The following PHF11 variants were observed in gnomAD, a reference collection of about 807,000 sequenced individuals.
The protein encoded by PHF11 is PHD finger protein 11.
Under a neutral mutation model 40.5 loss-of-function variants are expected in PHF11, and 38 were observed. The observed-to-expected ratio is 0.94, with a 90% CI of 0.72 to 1.23. PHF11 has a LOEUF of 1.23. Ranked by LOEUF, PHF11 falls within the 50% of genes most tolerant of loss-of-function variation. The probability of loss-of-function intolerance (pLI) is 0.00; values close to 1 mark genes in which losing one functional copy is unlikely to be tolerated. For synonymous variants in PHF11, 127 were observed against 138.2 expected (o/e 0.92, Z 0.57); for missense variants, 369 against 392.4 (o/e 0.94, Z 0.50).
intron 8 of PHF11, chr13:49,525,823 A>G (rs765489510): frequency 2.2e-6 from 1 of 456,348 alleles, no homozygotes; most frequent in South Asian, 1.5e-5. Context: ...AGGGCTGGTG[A>G]GGACACAGAT....
rs1959200792 is a variant in PHF11, at chr13:49,523,374, C to CT, written c.637+136dup. 4.6e-6 allele frequency: 3 copies of CT among 649,322 alleles called. No homozygotes were observed. In the African/African-American group the frequency reaches 5.5e-5, roughly 12 times the overall value. The allele number at this position is 649,322 out of a possible 1,614,324, so 40.2% of individuals were successfully genotyped here. ...CTTGTGGTAATTAATGAGTATAAATCTTTATCGCAACTGTCCACTCTATTG... is the reference window on the plus strand; with the variant it reads ...CTTGTGGTAATTAATGAGTATAAATCTTTTATCGCAACTGTCCACTCTATTG... On this transcript the variant is annotated intron_variant, in intron 7 of 9. Coordinates refer to ENST00000378319, the MANE Select transcript of PHF11 (RefSeq NM_001040443.3).
chr13:49,517,901 T>C lies in PHF11; in HGVS notation c.325-117T>C, dbSNP rs1959169092. 17 of 614,874 alleles carry C rather than the reference T, an allele frequency of 2.8e-5. 1 individual carries two copies. The South Asian group carries it at 3.9e-4, about 14-fold the overall frequency. 38.1% of individuals were successfully genotyped at this position (614,874 alleles called of 1,614,324 possible). On this transcript the variant is annotated intron_variant, in intron 3 of 9. Coordinates refer to ENST00000378319, the MANE Select transcript of PHF11 (RefSeq NM_001040443.3). ...TTGTAACGGGATGGAATCTTGCTGATGATGCCCAGGATAAAATGCAGGGCT... is the reference window on the plus strand; with the variant it reads ...TTGTAACGGGATGGAATCTTGCTGACGATGCCCAGGATAAAATGCAGGGCT...
chr13:49,520,179 G>T (rs996767810), intron 4 of PHF11, among the ~76,000 whole-genome samples: 1 of 152,156 alleles, frequency 6.6e-6, no homozygotes. Flanking sequence ...CTCCTGAGTA[G>T]CTGGGTCTAC....
chr13:49,528,192 A>C (rs1959395410), intron 9 of PHF11, among the ~76,000 whole-genome samples: 1 of 152,236 alleles, frequency 6.6e-6, no homozygotes, highest in Non-Finnish European at 1.5e-5. Flanking sequence ...GATATAGTAT[A>C]GCATGAAGGT....
chr13:49,508,609 CTATT>C (rs1959042815), intron 2 of PHF11, among the ~76,000 whole-genome samples: 1 of 151,608 alleles, frequency 6.6e-6, no homozygotes, highest in Non-Finnish European at 1.5e-5. Context: ...TATATAAACA[CTATT>C]TATTTTTATT....
chr13:49,501,021 T>TTTTTTTTTTTTTTAAATG (rs1958899303), intron 1 of PHF11, among the ~76,000 whole-genome samples: 1 of 146,162 alleles, frequency 6.8e-6, no homozygotes, highest in Non-Finnish European at 1.5e-5. Flanking sequence ...TTTTTGGTTT[T>TTTTTTTTTTTTTTAAATG]TTTTTTTCTG....
At chr13:49,522,429 A>G (rs916529212) in intron 6 of PHF11, among the ~76,000 whole-genome samples, 2 of 152,212 alleles carry the variant, frequency 1.3e-5, no homozygotes, top group Non-Finnish European at 2.9e-5. Flanking sequence ...GCACCAAACT[A>G]GTGAGAGCAT....
rs906593096 is a variant in PHF11, at chr13:49,513,172, T to C, written c.324+6T>C. 4.8e-5 allele frequency: 63 copies of C among 1,320,744 alleles called. No homozygotes were observed. The highest frequency in any genetic ancestry group is 6.5e-5 in the Non-Finnish European group (59 of 913,704). 81.8% of individuals were successfully genotyped at this position (1,320,744 alleles called of 1,614,324 possible). ...TCCAGAGAGGAAGGAAGTTGGTAAG[T>C]GTAAATGATGTTATTTCTTATACTG... On this transcript the variant is annotated splice_donor_region_variant and intron_variant, in intron 3 of 9. Coordinates refer to ENST00000378319, the MANE Select transcript of PHF11 (RefSeq NM_001040443.3).
rs1491587127 is a variant in PHF11, at chr13:49,501,017, G to GTTTTTTTTTTTTTTTTTTTTT, written c.94+4933_94+4934insTTTTTTTTTTTTTTTTTTTTT. Among the ~76,000 whole-genome samples, 7 of 108,834 alleles carry GTTTTTTTTTTTTTTTTTTTTT rather than the reference G, an allele frequency of 6.4e-5. 2 individuals are homozygous for GTTTTTTTTTTTTTTTTTTTTT. The highest frequency in any genetic ancestry group is 6.2e-4 in the East Asian group (2 of 3,228). The allele number at this position is 108,834 out of a possible 152,430, so 71.4% of individuals were successfully genotyped here. ...CAACTTTTGTTTTTTTTTTTTTTTG[G>GTTTTTTTTTTTTTTTTTTTTT]TTTTTTTTTTTCTGAAATGGAGTTT... On this transcript the variant is annotated intron_variant, in intron 1 of 9. Coordinates refer to ENST00000378319, the MANE Select transcript of PHF11 (RefSeq NM_001040443.3).
chr13:49,523,290 AAAATGTC>A, intron 7 of PHF11, 49 bp downstream of exon 7: 1 of 1,283,340 alleles, frequency 7.8e-7, no homozygotes, highest in Non-Finnish European at 1.1e-6. Context: ...AATACTTATA[AAAATGTC>A]AACCCACCTG....
chr13:49,522,564 G>GATT (rs10656720), intron 6 of PHF11, among the ~76,000 whole-genome samples: 109,675 of 151,500 alleles, frequency 0.72, 40,634 homozygotes, highest in African/African-American at 0.87. Context: ...TAAATTTCTG[G>GATT]ATTATGTATA....
chr13:49,497,359 C>A, intron 1 of PHF11: 1 of 503,420 alleles, frequency 2.0e-6, no homozygotes, highest in South Asian at 1.6e-5. Flanking sequence ...TATTCAGGTA[C>A]TCCAAACCTG....
At chr13:49,496,125 G>T in intron 1 of PHF11, 30 bp downstream of exon 1, 1 of 1,125,594 alleles carries the variant, frequency 8.9e-7, no homozygotes, top group South Asian at 2.8e-5. Context: ...GCGGGCGGGC[G>T]GGCGGGGCTG....
intron 2 of PHF11, among the ~76,000 whole-genome samples, chr13:49,510,527 G>A (rs564294454): frequency 6.6e-6 from 1 of 152,192 alleles, no homozygotes; most frequent in East Asian, 1.9e-4. Flanking sequence ...CCCCAGGCTG[G>A]AATGGAGTGG....
intron 2 of PHF11, among the ~76,000 whole-genome samples, chr13:49,508,684 A>G (rs928662669): frequency 4.6e-5 from 7 of 152,098 alleles, no homozygotes; most frequent in African/African-American, 1.7e-4. Flanking sequence ...CTCTAGATTT[A>G]CCTGGATATA....
intron 2 of PHF11, among the ~76,000 whole-genome samples, chr13:49,509,316 G>A (rs935067964): frequency 2.6e-5 from 4 of 151,632 alleles, no homozygotes; most frequent in East Asian, 1.9e-4. Flanking sequence ...AGGTTCAAGC[G>A]ATTCTCCTGC....
intron 1 of PHF11, among the ~76,000 whole-genome samples, chr13:49,499,721 A>T (rs1342370003): frequency 6.6e-6 from 1 of 152,258 alleles, no homozygotes; most frequent in Non-Finnish European, 1.5e-5. Context: ...TCCAGCAAAC[A>T]GTGGAAGAAC....
At chr13:49,524,031 T>C (rs1959207400) in intron 7 of PHF11, 54 bp from the exon 8 acceptor site, 1 of 1,502,834 alleles carries the variant, frequency 6.7e-7, no homozygotes, top group African/African-American at 1.4e-5. Context: ...TAAAGTAATT[T>C]ATGATTAGCT....
At position 49,528,703 on chromosome 13, in the gene PHF11, G is replaced by A; in HGVS notation, c.*38G>A. On this transcript the variant is annotated 3_prime_UTR_variant, in exon 10 of 10. Transcript: ENST00000378319. ...CCTAAGCCAAGAGTCATGTCAAATTGCAATCAGGCTCAAAACCAGAGACCA... is the reference window on the plus strand; with the variant it reads ...CCTAAGCCAAGAGTCATGTCAAATTACAATCAGGCTCAAAACCAGAGACCA... 9 of 1,487,650 alleles carry A rather than the reference G, an allele frequency of 6.0e-6. No homozygotes were observed. Among genetic ancestry groups the A allele is most frequent in the Non-Finnish European group, 8.2e-6 (9 of 1,091,190 alleles). 92.2% of individuals were successfully genotyped at this position (1,487,650 alleles called of 1,614,324 possible).
Sources: allele counts gnomAD v4.1 joint callset (sites outside exome capture counted in the v4.1 genomes callset), GRCh38; gene constraint gnomAD v4.1.1; transcripts MANE v1.5; gene names NCBI Gene and HGNC (gene_info 2026-07-23, HGNC 2026-07-21).